ZFAND4: variants seen among roughly 807,000 people sequenced by gnomAD.
ZFAND4 encodes AN1-type zinc finger protein 4.
ZFAND4 carries 43 observed loss-of-function variants against 64.4 expected under a neutral mutation model. That is an observed-to-expected ratio of 0.67 (90% CI 0.52 to 0.86). The LOEUF (loss-of-function observed/expected upper bound fraction) is 0.86, where lower values mean the gene tolerates loss of function less well. Among genes scored for constraint, ZFAND4 ranks in the 40% least tolerant of loss-of-function variants. The pLI, the probability that ZFAND4 is intolerant of heterozygous loss-of-function variation, is 0.00. For missense variants in ZFAND4, 929 were observed against 859.8 expected (o/e 1.08, Z -1.01); for synonymous variants, 296 against 305.7 (o/e 0.97, Z 0.33).
intron 5 of ZFAND4, among the ~76,000 whole-genome samples, chr10:45,646,537 T>C (rs1342339843): frequency 2.0e-5 from 3 of 152,180 alleles, no homozygotes; most frequent in African/African-American, 7.2e-5. Flanking sequence ...TTAAATTCCA[T>C]GATGATATTT....
At chr10:45,624,523 C>A in intron 8 of ZFAND4, 60 bp downstream of exon 8, 1 of 1,492,022 alleles carries the variant, frequency 6.7e-7, no homozygotes, top group African/African-American at 1.4e-5. Context: ...AAAATTCAAC[C>A]GGATGCATAA....
At chr10:45,652,900 T>G (rs2047851720) in intron 3 of ZFAND4, 84 bp downstream of exon 3, 2 of 1,021,728 alleles carry the variant, frequency 2.0e-6, no homozygotes, top group Admixed American at 4.3e-5. Flanking sequence ...ACAGACATGA[T>G]CTAAGAGTTC....
chr10:45,648,686 CAATT>C (rs1469108498), intron 4 of ZFAND4, 152 bp from the exon 5 acceptor site: 4 of 900,300 alleles, frequency 4.4e-6, no homozygotes, highest in Admixed American at 3.8e-5. Flanking sequence ...GATCTTTCTA[CAATT>C]AATATAGCAT....
intron 2 of ZFAND4, among the ~76,000 whole-genome samples, chr10:45,662,067 T>C: frequency 6.6e-6 from 1 of 152,136 alleles, no homozygotes; most frequent in Non-Finnish European, 1.5e-5. Flanking sequence ...CTTCAGACAG[T>C]GAGAAATAAA....
chr10:45,667,458 C>CTTTTT (rs60572011), intron 1 of ZFAND4, among the ~76,000 whole-genome samples: 2 of 90,660 alleles, frequency 2.2e-5, no homozygotes, highest in Non-Finnish European at 2.1e-5. Flanking sequence ...TCTTTTCTTT[C>CTTTTT]TTTTTTTTTT....
chr10:45,616,520 A>G lies in ZFAND4; in HGVS notation c.2100T>C (p.Cys700=). 2 of 1,614,190 alleles carry G rather than the reference A, an allele frequency of 1.2e-6. No individual in the cohort carries two copies. The highest frequency in any genetic ancestry group is 1.7e-6 in the Non-Finnish European group (2 of 1,180,012). Residue 700 remains cysteine (C), a synonymous_variant, in exon 10 of 10, where the codon TGT becomes TGC. Transcript: ENST00000344646. ...ASHRYAETHG[C]TYDYKSAGRR... ...TCCCTGCACTCTTGTAATCATAGGT[A>G]CAGCCATGAGTTTCTGCATAACGAT...
At chr10:45,649,693 G>A (rs2047632259) in intron 4 of ZFAND4, 1 of 152,160 alleles carries the variant, frequency 6.6e-6, no homozygotes, top group Non-Finnish European at 1.5e-5. Context: ...GGCCCAAAAT[G>A]TATAAATATT....
chr10:45,617,472 T>A (rs910674123), intron 9 of ZFAND4, among the ~76,000 whole-genome samples: 5 of 149,588 alleles, frequency 3.3e-5, no homozygotes, highest in Non-Finnish European at 5.9e-5. Context: ...ACAAAAAATT[T>A]AAAAAATTAA....
chr10:45,635,519 T>A lies in ZFAND4; in HGVS notation c.717+4297A>T, dbSNP rs2046537642. ...TCTTTTACCATATACAAAAATCAAA[T>A]CTAAATGAACTAAAGACTTAACTCT... On this transcript the variant is annotated intron_variant, in intron 6 of 9. Coordinates refer to ENST00000344646, the MANE Select transcript of ZFAND4 (RefSeq NM_174890.4). Among the ~76,000 whole-genome samples, 4 of 151,118 alleles carry A rather than the reference T, an allele frequency of 2.6e-5. No homozygotes were observed. In the South Asian group the frequency reaches 8.3e-4, roughly 31 times the overall value.
At chr10:45,651,283 A>G (rs1564614045) in intron 4 of ZFAND4, 1 of 227,378 alleles carries the variant, frequency 4.4e-6, no homozygotes, top group African/African-American at 2.3e-5. Flanking sequence ...TCAAGTCTCC[A>G]CTAATGTCAT....
At chr10:45,668,472 A>G (rs546311608) in intron 1 of ZFAND4, among the ~76,000 whole-genome samples, 1 of 152,384 alleles carries the variant, frequency 6.6e-6, no homozygotes, top group Non-Finnish European at 1.5e-5. Context: ...AAACTGCAAC[A>G]ATTAATGGGC....
Position 45,626,479 on chromosome 10 carries a change from C to T in ZFAND4, c.1344G>A (p.Val448=). The part of the protein sequence containing the change: ...PEQHLKHVAG[V]LNGESVETSV... ...AAGTCTCTACTGATTCCCCATTCAG[C>T]ACTCCTGCAACATGCTTGAGATGCT... The change falls in exon 7 of 10, where the codon GTG becomes GTA. Residue 448 remains valine, a synonymous_variant. Coordinates refer to ENST00000344646, the MANE Select transcript of ZFAND4 (RefSeq NM_174890.4). The T allele has an allele frequency of 6.2e-7, 1 of 1,613,710 alleles. No homozygotes were observed. The highest frequency in any genetic ancestry group is 1.1e-5 in the South Asian group (1 of 91,076).
At chr10:45,640,523 C>T (rs12354709) in intron 5 of ZFAND4, 142,814 of 870,504 alleles carry the variant, frequency 0.16, 12,757 homozygotes, top group Non-Finnish European at 0.19. Context: ...GACAGTCTCA[C>T]TCTTGTCGCC....
chr10:45,641,648 T>C (rs2047006925), intron 5 of ZFAND4, among the ~76,000 whole-genome samples: 1 of 152,206 alleles, frequency 6.6e-6, no homozygotes, highest in Admixed American at 6.5e-5. Context: ...ACAGCCACAG[T>C]TACCTACTAC....
intron 4 of ZFAND4, chr10:45,649,980 T>A (rs764600476): frequency 6.6e-6 from 1 of 152,252 alleles, no homozygotes; most frequent in Non-Finnish European, 1.5e-5. Flanking sequence ...ATCTTTCAGA[T>A]TTTATCAGCT....
chr10:45,648,262 C>T, intron 5 of ZFAND4, 32 bp downstream of exon 5: 1 of 1,437,212 alleles, frequency 7.0e-7, no homozygotes, highest in Non-Finnish European at 9.3e-7. Flanking sequence ...ATTATTTTGA[C>T]AACACAAGGT....
At chr10:45,643,021 G>A (rs544656129) in intron 5 of ZFAND4, among the ~76,000 whole-genome samples, 17 of 146,944 alleles carry the variant, frequency 1.2e-4, no homozygotes, top group African/African-American at 3.8e-4. Flanking sequence ...GGGTTCAAGC[G>A]CCCTTTCTCC....
intron 1 of ZFAND4, among the ~76,000 whole-genome samples, chr10:45,665,259 G>A (rs1355521681): frequency 6.6e-6 from 1 of 151,992 alleles, no homozygotes; most frequent in Non-Finnish European, 1.5e-5. Context: ...TTTATTGAGG[G>A]CCAGGCACAG....
At chr10:45,670,640 C>A (rs968174881) in intron 1 of ZFAND4, among the ~76,000 whole-genome samples, 5 of 152,272 alleles carry the variant, frequency 3.3e-5, no homozygotes, top group East Asian at 3.9e-4. Context: ...ATGTAGAAAG[C>A]TGAAACTGGA....
Sources: gnomAD v4.1 joint callset for allele counts (sites outside exome capture counted in the v4.1 genomes callset) on GRCh38, gnomAD v4.1.1 for gene constraint, MANE v1.5 for transcripts, NCBI Gene and HGNC (gene_info 2026-07-23, HGNC 2026-07-21) for gene names.